The following BBS9 variants were observed in gnomAD, a reference collection of about 807,000 sequenced individuals.
The protein encoded by BBS9 is Bardet-Biedl syndrome 9.
A neutral mutation model predicts 117.7 loss-of-function variants in BBS9; 89 were observed. The ratio of observed to expected loss-of-function variants is 0.76; its 90% CI spans 0.64 to 0.90. The LOEUF is 0.90. Among genes scored for constraint, BBS9 ranks in the 40% least tolerant of loss-of-function variants. BBS9 has a pLI of 0.00. For missense variants in BBS9, 982 were observed against 1,042.2 expected (o/e 0.94, Z 0.80); for synonymous variants, 379 against 370.9 (o/e 1.02, Z -0.25).
intron 21 of BBS9, among the ~76,000 whole-genome samples, chr7:33,624,550 C>T (rs1256556711): frequency 1.3e-5 from 2 of 152,210 alleles, no homozygotes. Flanking sequence ...TCACCACCAG[C>T]TTGGCATAAA....
intron 5 of BBS9, among the ~76,000 whole-genome samples, chr7:33,183,125 C>T (rs1401561942): frequency 6.6e-6 from 1 of 152,120 alleles, no homozygotes; most frequent in East Asian, 1.9e-4. Flanking sequence ...ATTTCTAATA[C>T]CCCCAAAAGT....
chr7:33,472,183 T>C (rs1436763768), intron 19 of BBS9, among the ~76,000 whole-genome samples: 2 of 152,170 alleles, frequency 1.3e-5, no homozygotes, highest in Non-Finnish European at 2.9e-5. Context: ...AGAAATGATA[T>C]TTTTATTTCT....
At chr7:33,239,227 G>A (rs1562857967) in intron 5 of BBS9, among the ~76,000 whole-genome samples, 1 of 151,920 alleles carries the variant, frequency 6.6e-6, no homozygotes, top group Non-Finnish European at 1.5e-5. Flanking sequence ...AAAATATATT[G>A]GGGACTTACT....
chr7:33,287,794 A>G (rs1240298776), intron 9 of BBS9, among the ~76,000 whole-genome samples: 3 of 152,242 alleles, frequency 2.0e-5, no homozygotes, highest in African/African-American at 7.2e-5. Context: ...AAGACTATAC[A>G]AGAAAACTGA....
chr7:33,270,178 C>T (rs549756358), intron 7 of BBS9, among the ~76,000 whole-genome samples: 18 of 152,194 alleles, frequency 1.2e-4, no homozygotes, highest in African/African-American at 4.3e-4. Flanking sequence ...AGCTTCAGCC[C>T]TCTGAAAACA....
chr7:33,599,428 A>C (rs562251585), intron 21 of BBS9, among the ~76,000 whole-genome samples: 1 of 152,196 alleles, frequency 6.6e-6, no homozygotes, highest in African/African-American at 2.4e-5. Flanking sequence ...GAAAATAGTC[A>C]GTGAAATTTT....
intron 19 of BBS9, among the ~76,000 whole-genome samples, chr7:33,433,934 A>G (rs1834902147): frequency 6.6e-6 from 1 of 152,116 alleles, no homozygotes; most frequent in Admixed American, 6.5e-5. Flanking sequence ...CTTAAATAAT[A>G]AAGTTCATGT....
At chr7:33,212,060 G>A (rs1342478318) in intron 5 of BBS9, among the ~76,000 whole-genome samples, 1 of 152,042 alleles carries the variant, frequency 6.6e-6, no homozygotes, top group Non-Finnish European at 1.5e-5. Flanking sequence ...GTCTTAATTA[G>A]GTTAAATCAG....
chr7:33,257,653 G>C (rs1797303515), intron 6 of BBS9, among the ~76,000 whole-genome samples: 1 of 152,272 alleles, frequency 6.6e-6, no homozygotes, highest in African/African-American at 2.4e-5. Context: ...CCAGATGTTT[G>C]ATGGTCCTTA....
chr7:33,301,533 G>T (rs775684215), intron 9 of BBS9, among the ~76,000 whole-genome samples: 8 of 151,982 alleles, frequency 5.3e-5, no homozygotes, highest in Non-Finnish European at 1.2e-4. Context: ...GTCTTTCTGT[G>T]CCTGGCTTAT....
intron 21 of BBS9, among the ~76,000 whole-genome samples, chr7:33,633,831 C>T (rs1866012781): frequency 6.6e-6 from 1 of 152,218 alleles, no homozygotes; most frequent in Admixed American, 6.5e-5. Flanking sequence ...TACCTTTCCT[C>T]TGTGTGAGTT....
At chr7:33,480,231 G>C in intron 19 of BBS9, among the ~76,000 whole-genome samples, 1 of 152,164 alleles carries the variant, frequency 6.6e-6, no homozygotes, top group East Asian at 1.9e-4. Flanking sequence ...GAAATTACTA[G>C]TGATAGTCAA....
chr7:33,153,026 G>A (rs1356110945), intron 3 of BBS9, among the ~76,000 whole-genome samples, 175 bp downstream of exon 3: 1 of 152,112 alleles, frequency 6.6e-6, no homozygotes, highest in Non-Finnish European at 1.5e-5. Context: ...GTACATTTAA[G>A]ATATAATAAT....
intron 5 of BBS9, among the ~76,000 whole-genome samples, chr7:33,179,753 G>C (rs570212925): frequency 2.0e-5 from 3 of 152,246 alleles, no homozygotes. Context: ...CTGGTCTGTG[G>C]AAAAATTGTC....
Position 33,134,192 on chromosome 7 carries a change from G to A in BBS9, c.-12+4151G>A, listed in dbSNP as rs143001304. Among the ~76,000 whole-genome samples, 929 of 150,824 alleles carry A rather than the reference G, an allele frequency of 6.2e-3. 8 individuals carry two copies. The highest frequency in any genetic ancestry group is 0.022 in the African/African-American group (892 of 41,032). ...AGCCTCCCAAGTAATTGGGCTTACAGGCACCTGCCATCACGCCTGGCTATT... is the reference window on the plus strand; with the variant it reads ...AGCCTCCCAAGTAATTGGGCTTACAAGCACCTGCCATCACGCCTGGCTATT... On this transcript the variant is annotated intron_variant, in intron 1 of 22. Transcript: ENST00000242067.
intron 21 of BBS9, among the ~76,000 whole-genome samples, chr7:33,589,637 G>A (rs1358212637): frequency 6.6e-6 from 1 of 152,104 alleles, no homozygotes; most frequent in Non-Finnish European, 1.5e-5. Context: ...TCGAGACACT[G>A]AAAGGGTGGA....
At chr7:33,283,497 T>C (rs1306837276) in intron 9 of BBS9, among the ~76,000 whole-genome samples, 1 of 152,136 alleles carries the variant, frequency 6.6e-6, no homozygotes, top group Non-Finnish European at 1.5e-5. Context: ...TTTATTCTCA[T>C]TTAAAAAATT....
At chr7:33,626,891 G>T (rs1865662953) in intron 21 of BBS9, among the ~76,000 whole-genome samples, 1 of 152,236 alleles carries the variant, frequency 6.6e-6, no homozygotes, top group African/African-American at 2.4e-5. Flanking sequence ...AGCAGAGTGT[G>T]AAAGTTTGGA....
chr7:33,344,335 C>G (rs1422300652), intron 11 of BBS9, among the ~76,000 whole-genome samples: 4 of 151,990 alleles, frequency 2.6e-5, no homozygotes, highest in Admixed American at 2.6e-4. Context: ...TCCCAAAGTG[C>G]TGGGATTACA....
Sources: gnomAD v4.1 joint callset for allele counts (sites outside exome capture counted in the v4.1 genomes callset) on GRCh38, gnomAD v4.1.1 for gene constraint, MANE v1.5 for transcripts, NCBI Gene and HGNC (gene_info 2026-07-23, HGNC 2026-07-21) for gene names.